The following MYLK variants were observed in gnomAD, a reference collection of about 807,000 sequenced individuals.
MYLK encodes the protein myosin light chain kinase, also known as myosin light chain kinase, smooth muscle.
Under a neutral mutation model 203.4 loss-of-function variants are expected in MYLK, and 106 were observed. That is an observed-to-expected ratio of 0.52 (90% CI 0.45 to 0.61). The LOEUF (loss-of-function observed/expected upper bound fraction) is 0.61, where lower values mean the gene tolerates loss of function less well. Among genes scored for constraint, MYLK ranks in the 20% least tolerant of loss-of-function variants. The pLI is 0.00. For missense variants in MYLK, 2,072 were observed against 2,442.3 expected (o/e 0.85, Z 3.20); for synonymous variants, 867 against 959.5 (o/e 0.90, Z 1.78).
At position 123,642,663 on chromosome 3, in the gene MYLK, T is replaced by A. The variant is rs1019558135; in HGVS notation, c.4620-2159A>T. ...TCTCTGCCAAGGCTCCAAGACAAAC[T>A]CTCATCTACAAGTATTCTTAGGTCT... On this transcript the variant is annotated intron_variant, in intron 27 of 33. Coordinates refer to ENST00000360304, the MANE Select transcript of MYLK (RefSeq NM_053025.4). This position sits in a 1 kb window ranked among gnomAD's most constrained non-coding sequence, Gnocchi z 4.2. Among the ~76,000 whole-genome samples, 5 of 152,214 alleles carry A rather than the reference T, an allele frequency of 3.3e-5. No homozygotes were observed. Among genetic ancestry groups the A allele is most frequent in the African/African-American group, 1.2e-4 (5 of 41,450 alleles).
chr3:123,880,102 T>G (rs1402921106), intron 1 of MYLK, among the ~76,000 whole-genome samples: 1 of 152,234 alleles, frequency 6.6e-6, no homozygotes, highest in Non-Finnish European at 1.5e-5. Context: ...TTTGTGCCTA[T>G]TTATATTCCT....
In MYLK at chr3:123,722,154, G is replaced by A. The variant is rs2062112514; in HGVS notation, c.1778C>T (p.Ser593Phe). The change falls in exon 13 of 34, where the codon TCC (serine) becomes TTC (phenylalanine). Residue 593 changes from serine to phenylalanine, a missense_variant. Around this residue, in one of 3 missense-constraint regions of MYLK, gnomAD observed 865 missense variants for 1,016.0 expected, o/e 0.85. Coordinates refer to ENST00000360304, the MANE Select transcript of MYLK (RefSeq NM_053025.4). ...CLAENALGQV[S>F]CSAWVTVHEK... ...ATGGACGGTGACCCAGGCGCTGCAG[G>A]ACACCTGCCCCAAGGCATTCTCAGC... The A allele has an allele frequency of 3.8e-6, 6 of 1,565,908 alleles. No individual in the cohort carries two copies. The highest frequency in any genetic ancestry group is 4.3e-6 in the Non-Finnish European group (5 of 1,155,058).
At chr3:123,691,547 C>T (rs534529756) in intron 19 of MYLK, 1 of 152,330 alleles carries the variant, frequency 6.6e-6, no homozygotes, top group South Asian at 2.1e-4. Flanking sequence ...CTTTCTTTTC[C>T]ACCTCTCTCC....
intron 3 of MYLK, among the ~76,000 whole-genome samples, chr3:123,824,126 G>A (rs1013926671): frequency 7.6e-6 from 1 of 131,186 alleles, no homozygotes; most frequent in African/African-American, 2.9e-5. Context: ...TTTCACTCTT[G>A]TCCCCCAGGC....
intron 4 of MYLK, among the ~76,000 whole-genome samples, chr3:123,768,954 G>A (rs1310782344): frequency 3.9e-5 from 6 of 152,278 alleles, no homozygotes; most frequent in Admixed American, 1.3e-4. Flanking sequence ...AGAGCCTCCC[G>A]TTACTCTGGC....
chr3:123,772,559 C>T (rs1056000350), intron 4 of MYLK, among the ~76,000 whole-genome samples: 8 of 151,828 alleles, frequency 5.3e-5, no homozygotes, highest in Admixed American at 2.0e-4. Context: ...TATGTGAACA[C>T]TAAAATTTAA....
intron 3 of MYLK, among the ~76,000 whole-genome samples, chr3:123,806,190 T>A (rs994924855): frequency 2.0e-5 from 3 of 152,242 alleles, no homozygotes; most frequent in African/African-American, 7.2e-5. Context: ...TAGGTTACTG[T>A]TTGCACACTG....
chr3:123,736,249 T>C (rs572209972), intron 8 of MYLK, among the ~76,000 whole-genome samples: 1 of 152,338 alleles, frequency 6.6e-6, no homozygotes, highest in African/African-American at 2.4e-5. Context: ...TATGTATACA[T>C]GTTCTGGGTT....
intron 16 of MYLK, among the ~76,000 whole-genome samples, chr3:123,701,951 C>T (rs1204068642): frequency 6.6e-6 from 1 of 152,234 alleles, no homozygotes; most frequent in Non-Finnish European, 1.5e-5. Context: ...TCCCTTAACA[C>T]AGAAGTAGTT....
chr3:123,752,923 A>G (rs1307995722), intron 4 of MYLK, among the ~76,000 whole-genome samples: 3 of 152,234 alleles, frequency 2.0e-5, no homozygotes, highest in African/African-American at 7.2e-5. Flanking sequence ...TCTCACTCCA[A>G]CATGCTAATA....
chr3:123,638,879 A>C (rs1268902939), intron 28 of MYLK: 1 of 985,362 alleles, frequency 1.0e-6, no homozygotes. Context: ...TATGTGCAAA[A>C]GGCAGGTACC....
intron 7 of MYLK, among the ~76,000 whole-genome samples, chr3:123,738,313 G>T (rs1200928419): frequency 6.6e-6 from 1 of 152,130 alleles, no homozygotes; most frequent in Non-Finnish European, 1.5e-5. Context: ...CTGCTATTTT[G>T]TGAGTGTGAG....
chr3:123,811,351 C>T (rs1209476647), intron 3 of MYLK, among the ~76,000 whole-genome samples: 1 of 152,188 alleles, frequency 6.6e-6, no homozygotes, highest in Non-Finnish European at 1.5e-5. Context: ...TAGCTGCACT[C>T]ATACCTGGCT....
chr3:123,704,869 A>C (rs1170652229), intron 16 of MYLK, among the ~76,000 whole-genome samples: 1 of 152,096 alleles, frequency 6.6e-6, no homozygotes, highest in Non-Finnish European at 1.5e-5. Flanking sequence ...GCAGTGAGCC[A>C]AGATCGTGCC....
At chr3:123,726,167 A>T (rs1560136493) in intron 11 of MYLK, 89 bp from the exon 12 acceptor site, 2 of 1,543,956 alleles carry the variant, frequency 1.3e-6, no homozygotes, top group Admixed American at 3.6e-5. Flanking sequence ...GGCACGCCTC[A>T]CTGTCCTGGA....
chr3:123,832,916 C>T (rs556734378), intron 2 of MYLK, among the ~76,000 whole-genome samples: 2 of 152,228 alleles, frequency 1.3e-5, no homozygotes, highest in East Asian at 1.9e-4. Context: ...ACACTGAAAA[C>T]GTCCTTACAC....
chr3:123,768,019 C>G (rs1313707357), intron 4 of MYLK, among the ~76,000 whole-genome samples: 2 of 152,176 alleles, frequency 1.3e-5, no homozygotes, highest in African/African-American at 4.8e-5. Context: ...GAATGCTGAC[C>G]GAACTCCTGG....
chr3:123,869,412 T>TGGCTG (rs1385653058), intron 2 of MYLK, among the ~76,000 whole-genome samples: 9 of 152,256 alleles, frequency 5.9e-5, no homozygotes, highest in African/African-American at 2.2e-4. Flanking sequence ...TCCAGGTTCC[T>TGGCTG]ATCCCAGTGA....
chr3:123,876,926 A>G (rs544170053), intron 1 of MYLK, among the ~76,000 whole-genome samples: 2 of 152,356 alleles, frequency 1.3e-5, no homozygotes, highest in Non-Finnish European at 2.9e-5. Context: ...CAAATGATAA[A>G]AACATACCAT....
Sources: allele counts gnomAD v4.1 joint callset (sites outside exome capture counted in the v4.1 genomes callset), GRCh38; gene constraint gnomAD v4.1.1; regional missense constraint gnomAD v4.1.1; non-coding constraint Gnocchi (gnomAD v3.1); transcripts MANE v1.5; gene names NCBI Gene and HGNC (gene_info 2026-07-23, HGNC 2026-07-21).